Variants in NLGN4X observed in about 807,000 individuals in gnomAD.
The protein encoded by NLGN4X is neuroligin-4, X-linked.
In NLGN4X, 3 loss-of-function variants were observed where a neutral mutation model predicts 40.3. That is an observed-to-expected ratio of 0.07 (90% CI 0.03 to 0.19). NLGN4X has a LOEUF of 0.19. Ranked by LOEUF, NLGN4X falls within the 10% of genes least tolerant of loss-of-function variation. NLGN4X has a pLI of 1.00. For missense variants in NLGN4X, 382 were observed against 708.3 expected, an observed-to-expected ratio of 0.54 and a Z score of 5.23; for synonymous variants, 270 against 306.8, an observed-to-expected ratio of 0.88 and a Z score of 1.25.
At chrX:5,981,869 T>C (rs1287745479) in intron 3 of NLGN4X, among the ~76,000 whole-genome samples, 2 of 111,535 alleles carry the variant, frequency 1.8e-5, no homozygotes, top group East Asian at 2.8e-4. Context: ...TGCTATGTTG[T>C]AGATTGATTG....
intron 2 of NLGN4X, among the ~76,000 whole-genome samples, chrX:6,099,907 G>A (rs756868743): frequency 2.3e-4 from 26 of 111,780 alleles, no homozygotes; most frequent in Non-Finnish European, 3.9e-4. Flanking sequence ...ACCCAGCAGC[G>A]CTAGAGGAAT....
chrX:6,154,770 T>C (rs771708355), intron 1 of NLGN4X, among the ~76,000 whole-genome samples: 12 of 112,069 alleles, frequency 1.1e-4, no homozygotes, highest in Non-Finnish European at 2.1e-4. Context: ...CTGCAAAGAC[T>C]GCATAAAATA....
chrX:6,228,086 G>T (rs958357854), intron 1 of NLGN4X, among the ~76,000 whole-genome samples: 1 of 110,407 alleles, frequency 9.1e-6, no homozygotes, highest in African/African-American at 3.3e-5. Flanking sequence ...CTGTACTGCA[G>T]ATACATATAT....
intron 3 of NLGN4X, among the ~76,000 whole-genome samples, chrX:5,978,261 G>A (rs936423558): frequency 2.7e-5 from 3 of 109,264 alleles, no homozygotes; most frequent in Admixed American, 9.8e-5. Context: ...TAAAAAGACA[G>A]GCGTCTCTTT....
intron 5 of NLGN4X, among the ~76,000 whole-genome samples, chrX:5,898,287 G>T (rs6639538): frequency 5.0e-4 from 34 of 68,375 alleles, no homozygotes; most frequent in Non-Finnish European, 6.2e-4. Context: ...ATTCCCTCCC[G>T]CCCTCCTTTT....
intron 2 of NLGN4X, among the ~76,000 whole-genome samples, chrX:6,075,828 T>C (rs1437401597): frequency 4.5e-5 from 5 of 111,783 alleles, no homozygotes; most frequent in Admixed American, 1.9e-4. Flanking sequence ...CCGTGATTCA[T>C]GTACAGCCTG....
At chrX:5,910,880 T>C (rs938731249) in intron 3 of NLGN4X, among the ~76,000 whole-genome samples, 1 of 111,752 alleles carries the variant, frequency 8.9e-6, no homozygotes, top group African/African-American at 3.3e-5. Context: ...TGATCTTCTT[T>C]AAAGTTCAGA....
rs777186721 is a variant in NLGN4X, at chrX:6,085,291, C to T, written c.473-55859G>A. 4.5e-5 allele frequency among the ~76,000 whole-genome samples: 5 copies of T among 111,460 alleles called. No homozygotes were observed. In the South Asian group the frequency reaches 1.9e-3, roughly 43 times the overall value. ...GAGGAGGTTTAGGTTAGGGTCATTACTTCAGAGTTTTCAGTATTCAGAGTA... is the reference window on the plus strand; with the variant it reads ...GAGGAGGTTTAGGTTAGGGTCATTATTTCAGAGTTTTCAGTATTCAGAGTA... On this transcript the variant is annotated intron_variant, in intron 2 of 5. Transcript: ENST00000381095.
At chrX:5,990,298 G>C (rs1397956193) in intron 3 of NLGN4X, among the ~76,000 whole-genome samples, 2 of 111,171 alleles carry the variant, frequency 1.8e-5, no homozygotes, top group Non-Finnish European at 3.8e-5. Context: ...GCTCAAGCTG[G>C]TCAGAAGGAA....
chrX:6,009,041 G>C (rs1371819103), intron 3 of NLGN4X, among the ~76,000 whole-genome samples: 1 of 108,956 alleles, frequency 9.2e-6, no homozygotes, highest in Non-Finnish European at 1.9e-5. Flanking sequence ...TTTCTTTTAA[G>C]GGCTGAATAA....
At chrX:5,998,026 C>T (rs1053138736) in intron 3 of NLGN4X, among the ~76,000 whole-genome samples, 3 of 111,803 alleles carry the variant, frequency 2.7e-5, no homozygotes, top group Non-Finnish European at 3.8e-5. Flanking sequence ...TTGCTTAATA[C>T]AACATCTTTA....
Position 6,025,852 on chromosome X carries a change from C to G in NLGN4X, c.625+3428G>C, listed in dbSNP as rs772553755. Among the ~76,000 whole-genome samples the G allele has an allele frequency of 3.1e-3, 327 of 105,205 alleles. 2 individuals are homozygous for G. The highest frequency in any genetic ancestry group is 0.011 in the African/African-American group (310 of 28,515). The allele number at this position is 105,205 out of a possible 115,157, so 91.4% of individuals were successfully genotyped here. A position where few individuals can be genotyped will look rare whatever the true frequency, so the allele number is the denominator to read the frequency against. ...CCGGGAGGCAGAGGTTGCAGTGAGCCGAGATCATGCCACTGCCCTCCAGCC... is the reference window on the plus strand; with the variant it reads ...CCGGGAGGCAGAGGTTGCAGTGAGCGGAGATCATGCCACTGCCCTCCAGCC... On this transcript the variant is annotated intron_variant, in intron 3 of 5. Transcript: ENST00000381095.
chrX:5,981,179 C>T (rs934306925), intron 3 of NLGN4X, among the ~76,000 whole-genome samples: 16 of 110,222 alleles, frequency 1.5e-4, no homozygotes, highest in Admixed American at 3.9e-4. Flanking sequence ...ACGTTTGTGA[C>T]GGATTGGAAA....
rs777860387 is a variant in NLGN4X, at chrX:5,926,072, T to C, written c.626-16833A>G. On this transcript the variant is annotated intron_variant, in intron 3 of 5. Coordinates refer to ENST00000381095, the MANE Select transcript of NLGN4X (RefSeq NM_181332.3). ...TGTGGGAGGAACCAGGTGGAGATAA[T>C]TGAATCATGGGGGCAGTTTCCCCCA... Among the ~76,000 whole-genome samples the C allele has an allele frequency of 7.9e-4, 82 of 104,093 alleles. 1 individual carries two copies. The highest frequency in any genetic ancestry group is 2.5e-3 in the African/African-American group (73 of 29,177). The allele number at this position is 104,093 out of a possible 115,157, so 90.4% of individuals were successfully genotyped here. A position where few individuals can be genotyped will look rare whatever the true frequency, so the allele number is the denominator to read the frequency against.
At chrX:6,118,864 AC>A (rs1002012009) in intron 2 of NLGN4X, among the ~76,000 whole-genome samples, 3 of 111,130 alleles carry the variant, frequency 2.7e-5, no homozygotes, top group African/African-American at 6.5e-5. Context: ...CTCTAGCCCA[AC>A]TGGTCTTCTC....
intron 2 of NLGN4X, among the ~76,000 whole-genome samples, chrX:6,114,007 G>A (rs1056849331): frequency 9.0e-6 from 1 of 111,118 alleles, no homozygotes; most frequent in African/African-American, 3.3e-5. Context: ...TTTTAGTAGA[G>A]AGGGGGTTTC....
At chrX:5,899,700 T>A (rs1358750449) in intron 5 of NLGN4X, among the ~76,000 whole-genome samples, 1 of 107,541 alleles carries the variant, frequency 9.3e-6, no homozygotes, top group Non-Finnish European at 1.9e-5. Flanking sequence ...CTTTTTTTTT[T>A]TTTTTATTTT....
At chrX:5,997,707 CTCTTTTGATCCT>C (rs2035870059) in intron 3 of NLGN4X, among the ~76,000 whole-genome samples, 2 of 107,724 alleles carry the variant, frequency 1.9e-5, no homozygotes, top group Admixed American at 2.0e-4. Flanking sequence ...TGTACAGTAA[CTCTTTTGATCCT>C]CAAAACACCA....
At chrX:6,213,575 A>G (rs773992824) in intron 1 of NLGN4X, among the ~76,000 whole-genome samples, 10 of 112,624 alleles carry the variant, frequency 8.9e-5, no homozygotes, top group African/African-American at 3.2e-4. Flanking sequence ...TCTCTGTACT[A>G]TCTTTGCAAC....
Sources: gnomAD v4.1 joint callset for allele counts (sites outside exome capture counted in the v4.1 genomes callset) on GRCh38, gnomAD v4.1.1 for gene constraint, MANE v1.5 for transcripts, NCBI Gene and HGNC (gene_info 2026-07-23, HGNC 2026-07-21) for gene names.